KLF12: variants seen among roughly 807,000 people sequenced by gnomAD.
KLF12 encodes KLF transcription factor 12, also known as Krueppel-like factor 12.
KLF12 carries 9 observed loss-of-function variants against 37.8 expected under a neutral mutation model. That is an observed-to-expected ratio of 0.24 (90% CI 0.14 to 0.42). KLF12 has a LOEUF of 0.42. KLF12 is among the 10% of genes least tolerant of loss of function. The pLI, the probability that KLF12 is intolerant of heterozygous loss-of-function variation, is 1.00. For missense variants in KLF12, 411 were observed against 516.0 expected (o/e 0.80, Z 1.97); for synonymous variants, 208 against 202.1 (o/e 1.03, Z -0.25).
At chr13:74,115,345 A>G (rs1361935613) in intron 1 of KLF12, among the ~76,000 whole-genome samples, 1 of 152,106 alleles carries the variant, frequency 6.6e-6, no homozygotes, top group Admixed American at 6.5e-5. Flanking sequence ...TAACAACAGA[A>G]ATTATTCTCT....
Position 74,045,090 on chromosome 13 carries a change from ATTCCTTAC to A in KLF12, c.-31-50045_-31-50038del, listed in dbSNP as rs574849349. On this transcript the variant is annotated intron_variant, in intron 1 of 7. Transcript: ENST00000377669. ...TTCACACCCAAGGAGGTGGAGTATA[ATTCCTTAC>A]TTCTGAAGTGTGGGGTCCACACAGT... Among the ~76,000 whole-genome samples, 125 of 152,314 alleles carry A rather than the reference ATTCCTTAC, an allele frequency of 8.2e-4. 1 individual carries two copies. The highest frequency in any genetic ancestry group is 2.9e-3 in the African/African-American group (121 of 41,568).
intron 4 of KLF12, among the ~76,000 whole-genome samples, chr13:73,840,946 G>A (rs1247229260): frequency 1.3e-5 from 2 of 152,050 alleles, no homozygotes; most frequent in Non-Finnish European, 2.9e-5. Context: ...TTTTGCAAAG[G>A]TCTTCCACAG....
At chr13:74,278,243 G>A in the KLF12 span, among the ~76,000 whole-genome samples, 1 of 152,144 alleles carries the variant, frequency 6.6e-6, no homozygotes, top group South Asian at 2.1e-4. Flanking sequence ...CTAGGAATCT[G>A]GTGACAGCTG....
At chr13:73,896,911 A>G (rs1682965918) in intron 3 of KLF12, among the ~76,000 whole-genome samples, 1 of 152,116 alleles carries the variant, frequency 6.6e-6, no homozygotes, top group South Asian at 2.1e-4. Flanking sequence ...TCTGTGTTTT[A>G]TTATCCTAAA....
chr13:74,238,911 T>C, the KLF12 span, among the ~76,000 whole-genome samples: 5,361 of 150,878 alleles, frequency 0.036, 218 homozygotes, highest in African/African-American at 0.1. Context: ...TCATTAATTT[T>C]TTGAAGGGTT....
chr13:74,213,660 AG>A, the KLF12 span, among the ~76,000 whole-genome samples: 1 of 126,044 alleles, frequency 7.9e-6, no homozygotes, highest in African/African-American at 3.0e-5. Context: ...CCTTCCTTCC[AG>A]TTTAATTTTC....
At chr13:73,853,792 A>C (rs1233165080) in intron 3 of KLF12, among the ~76,000 whole-genome samples, 3 of 152,168 alleles carry the variant, frequency 2.0e-5, no homozygotes, top group Non-Finnish European at 4.4e-5. Context: ...AACATGGACA[A>C]ACATTTTTAA....
intron 2 of KLF12, among the ~76,000 whole-genome samples, chr13:73,957,804 G>A (rs1394688645): frequency 6.6e-6 from 1 of 152,130 alleles, no homozygotes; most frequent in Non-Finnish European, 1.5e-5. Flanking sequence ...CAATAAAAAT[G>A]ATCACAAGTT....
At chr13:74,198,255 C>G in the KLF12 span, among the ~76,000 whole-genome samples, 1 of 152,062 alleles carries the variant, frequency 6.6e-6, no homozygotes, top group African/African-American at 2.4e-5. Flanking sequence ...GGCTAAAACC[C>G]TGGGGTATGG....
intron 6 of KLF12, among the ~76,000 whole-genome samples, chr13:73,747,232 C>T (rs971519975): frequency 6.6e-6 from 1 of 152,076 alleles, no homozygotes; most frequent in South Asian, 2.1e-4. Flanking sequence ...TACATGCACA[C>T]AATTGAGGGC....
intron 1 of KLF12, among the ~76,000 whole-genome samples, chr13:74,115,803 C>A (rs1443922058): frequency 1.3e-5 from 2 of 152,054 alleles, no homozygotes; most frequent in Admixed American, 1.3e-4. Flanking sequence ...CTTACAACCC[C>A]TGCCTCTGTA....
At chr13:74,161,051 T>A in the KLF12 span, among the ~76,000 whole-genome samples, 2 of 149,526 alleles carry the variant, frequency 1.3e-5, no homozygotes, top group African/African-American at 4.9e-5. Context: ...AGATTGGTTT[T>A]GGACATTCAG....
chr13:73,721,112 A>C lies in KLF12; in HGVS notation c.870-5587T>G, dbSNP rs572385542. Reference sequence around the variant, plus strand: ...CCTAAATGCCTTAAGCTTCAGAGCAACCCTCTGAGATTGACACTACTATCC... The same window carrying C: ...CCTAAATGCCTTAAGCTTCAGAGCACCCCTCTGAGATTGACACTACTATCC... On this transcript the variant is annotated intron_variant, in intron 6 of 7. Transcript: ENST00000377669. Among the ~76,000 whole-genome samples, 16 of 152,282 alleles carry C rather than the reference A, an allele frequency of 1.1e-4. No homozygotes were observed. The East Asian group carries it at 2.9e-3, about 28-fold the overall frequency.
At chr13:74,162,983 T>C in the KLF12 span, among the ~76,000 whole-genome samples, 1 of 151,944 alleles carries the variant, frequency 6.6e-6, no homozygotes, top group East Asian at 1.9e-4. Context: ...AGAAAGTGGA[T>C]TATTTGGTAG....
Position 73,958,523 on chromosome 13 carries a change from G to A in KLF12, c.34-14453C>T, listed in dbSNP as rs779045354. ...CTCCCAAAGTGCTGGAATTACAGGC[G>A]TGAGCCACTGTGCCCAGCCAATTTT... On this transcript the variant is annotated intron_variant, in intron 2 of 7. Coordinates refer to ENST00000377669, the MANE Select transcript of KLF12 (RefSeq NM_007249.5). 1.6e-3 allele frequency among the ~76,000 whole-genome samples: 239 copies of A among 152,228 alleles called. 1 individual carries two copies. The highest frequency in any genetic ancestry group is 0.01 in the Middle Eastern group (3 of 294).
chr13:74,011,195 TTAAAAA>T (rs747470792), intron 1 of KLF12, among the ~76,000 whole-genome samples: 66 of 145,562 alleles, frequency 4.5e-4, no homozygotes, highest in Non-Finnish European at 8.8e-4. Context: ...TCTAGTGTAG[TTAAAAA>T]TAAAGGAGGA....
the KLF12 span, among the ~76,000 whole-genome samples, chr13:74,291,334 A>C: frequency 1.3e-5 from 2 of 152,342 alleles, no homozygotes; most frequent in East Asian, 3.9e-4. Context: ...TGAAACATTC[A>C]AATAAATGTT....
chr13:74,263,540 G>T, the KLF12 span, among the ~76,000 whole-genome samples: 27 of 152,254 alleles, frequency 1.8e-4, no homozygotes, highest in Non-Finnish European at 3.2e-4. Flanking sequence ...TCTGTTTATA[G>T]CCTCCTCCAC....
upstream of KLF12, among the ~76,000 whole-genome samples, chr13:74,136,023 G>A (rs1878543121): frequency 1.3e-5 from 2 of 152,176 alleles, no homozygotes; most frequent in South Asian, 2.1e-4. Context: ...GGGATGGGTG[G>A]TCCAACCTAG....
Sources: allele counts gnomAD v4.1 joint callset (sites outside exome capture counted in the v4.1 genomes callset), GRCh38; gene constraint gnomAD v4.1.1; transcripts MANE v1.5; gene names NCBI Gene and HGNC (gene_info 2026-07-23, HGNC 2026-07-21).